RBFOX1: variants seen among roughly 807,000 people sequenced by gnomAD.
RBFOX1 encodes the protein RNA binding protein fox-1 homolog 1.
RBFOX1 carries 8 observed loss-of-function variants against 57.7 expected under a neutral mutation model. The ratio of observed to expected loss-of-function variants is 0.14; its 90% CI spans 0.08 to 0.25. The LOEUF is 0.25. RBFOX1 is among the 10% of genes least tolerant of loss of function. The pLI, the probability that RBFOX1 is intolerant of heterozygous loss-of-function variation, is 1.00. For missense variants in RBFOX1, 611 were observed against 548.5 expected, an observed-to-expected ratio of 1.11 and a Z score of -1.14; for synonymous variants, 326 against 222.4, an observed-to-expected ratio of 1.47 and a Z score of -4.15.
chr16:7,515,667 G>A (rs985761675), intron 4 of RBFOX1, among the ~76,000 whole-genome samples: 1 of 152,180 alleles, frequency 6.6e-6, no homozygotes. Flanking sequence ...TTACTGACTT[G>A]TGTAACTACA....
chr16:7,232,144 C>G (rs1333966479), intron 4 of RBFOX1, among the ~76,000 whole-genome samples: 2 of 152,244 alleles, frequency 1.3e-5, no homozygotes, highest in Middle Eastern at 6.8e-3. Flanking sequence ...CTGCTTCAGC[C>G]TCCTGAGTAG....
chr16:5,290,306 G>C (rs548448910), intron 1 of RBFOX1, among the ~76,000 whole-genome samples: 1 of 152,282 alleles, frequency 6.6e-6, no homozygotes, highest in African/African-American at 2.4e-5. Context: ...AGGTTGCAGT[G>C]AGCCGAGGTT....
intron 5 of RBFOX1, among the ~76,000 whole-genome samples, chr16:7,531,300 G>T (rs542730384): frequency 6.6e-6 from 1 of 152,136 alleles, no homozygotes; most frequent in Non-Finnish European, 1.5e-5. Flanking sequence ...AGGAAGCAGC[G>T]ATCATTTATG....
chr16:7,020,481 A>C (rs1325647928), intron 3 of RBFOX1, among the ~76,000 whole-genome samples: 2 of 152,146 alleles, frequency 1.3e-5, no homozygotes, highest in Non-Finnish European at 2.9e-5. Context: ...AACCTCCCAA[A>C]GTGCTGGGAT....
At chr16:7,281,199 C>T (rs529740003) in intron 4 of RBFOX1, among the ~76,000 whole-genome samples, 3 of 151,974 alleles carry the variant, frequency 2.0e-5, no homozygotes, top group East Asian at 2.0e-4. Flanking sequence ...GATGGGGCTT[C>T]ACTGTGTTGG....
intron 4 of RBFOX1, among the ~76,000 whole-genome samples, chr16:5,983,932 C>CTCCTCCTCCTCT (rs1465966532): frequency 6.9e-5 from 10 of 144,850 alleles, no homozygotes; most frequent in African/African-American, 2.0e-4. Context: ...CCTCCCCCTC[C>CTCCTCCTCCTCT]TCCTCCTCCT....
intron 2 of RBFOX1, among the ~76,000 whole-genome samples, chr16:6,524,076 T>C (rs2096545499): frequency 6.6e-6 from 1 of 152,206 alleles, no homozygotes; most frequent in Admixed American, 6.5e-5. Context: ...CCTGTTGTGC[T>C]ATCAAACACT....
intron 4 of RBFOX1, among the ~76,000 whole-genome samples, chr16:7,344,500 A>G (rs902324725): frequency 5.3e-5 from 8 of 150,784 alleles, no homozygotes; most frequent in African/African-American, 1.9e-4. Flanking sequence ...GTTATAGGAT[A>G]ATTATATATA....
intron 3 of RBFOX1, among the ~76,000 whole-genome samples, chr16:6,676,553 C>T (rs186159802): frequency 6.6e-6 from 1 of 152,148 alleles, no homozygotes; most frequent in East Asian, 1.9e-4. Context: ...AAACATTTAC[C>T]CCTATCAATA....
intron 1 of RBFOX1, among the ~76,000 whole-genome samples, chr16:5,323,898 A>G (rs1401118411): frequency 6.6e-6 from 1 of 152,226 alleles, no homozygotes; most frequent in African/African-American, 2.4e-5. Context: ...ACAATGGGAA[A>G]TCCCTTAATT....
intron 1 of RBFOX1, among the ~76,000 whole-genome samples, chr16:5,307,629 C>T (rs1399434286): frequency 2.6e-5 from 4 of 152,282 alleles, no homozygotes; most frequent in Admixed American, 6.5e-5. Context: ...CACACATGTG[C>T]ACATACACAC....
At chr16:6,718,192 C>G (rs995424696) in intron 3 of RBFOX1, among the ~76,000 whole-genome samples, 27 of 152,196 alleles carry the variant, frequency 1.8e-4, no homozygotes, top group Admixed American at 9.2e-4. Context: ...TCAGTAGAAA[C>G]TCACAACATG....
chr16:5,434,114 C>G (rs1278036095), intron 1 of RBFOX1, among the ~76,000 whole-genome samples: 2 of 152,138 alleles, frequency 1.3e-5, no homozygotes, highest in African/African-American at 4.8e-5. Flanking sequence ...TGTACAGAAC[C>G]TCTGATGCAT....
At chr16:7,041,522 C>T (rs1166719330) in intron 3 of RBFOX1, among the ~76,000 whole-genome samples, 2 of 152,138 alleles carry the variant, frequency 1.3e-5, no homozygotes, top group Non-Finnish European at 2.9e-5. Flanking sequence ...TCCTCATTCG[C>T]CGTTGCACTC....
At chr16:6,603,706 C>A (rs938940651) in intron 2 of RBFOX1, among the ~76,000 whole-genome samples, 1 of 152,168 alleles carries the variant, frequency 6.6e-6, no homozygotes, top group Non-Finnish European at 1.5e-5. Context: ...CCTCTTCTTT[C>A]CCATGGGTAA....
At chr16:5,916,677 A>G (rs1290957281) in intron 4 of RBFOX1, among the ~76,000 whole-genome samples, 1 of 152,054 alleles carries the variant, frequency 6.6e-6, no homozygotes, top group Non-Finnish European at 1.5e-5. Context: ...CCTTGTGGTA[A>G]GCCCCACAGG....
chr16:5,966,036 C>G (rs1460005496), intron 4 of RBFOX1, among the ~76,000 whole-genome samples: 2 of 152,152 alleles, frequency 1.3e-5, no homozygotes, highest in Non-Finnish European at 2.9e-5. Context: ...GCAGGTTTTC[C>G]TTATTTTTCG....
chr16:7,304,242 G>T (rs943304172), intron 4 of RBFOX1: 55 of 981,648 alleles, frequency 5.6e-5, no homozygotes, highest in Non-Finnish European at 6.4e-5. Flanking sequence ...GAGAGAGAGA[G>T]AGAGACAGCG....
chr16:7,034,663 C>G (rs1161555344), intron 3 of RBFOX1, among the ~76,000 whole-genome samples: 2 of 151,594 alleles, frequency 1.3e-5, no homozygotes, highest in African/African-American at 4.9e-5. Flanking sequence ...AGAGGGCCCT[C>G]TTTATTGGGG....
Sources: allele counts gnomAD v4.1 joint callset (sites outside exome capture counted in the v4.1 genomes callset), GRCh38; gene constraint gnomAD v4.1.1; transcripts MANE v1.5; gene names NCBI Gene and HGNC (gene_info 2026-07-23, HGNC 2026-07-21).